Variants in ZBTB38 observed in about 807,000 individuals in gnomAD.
The protein encoded by ZBTB38 is zinc finger and BTB domain containing 38.
Under a neutral mutation model 76.8 loss-of-function variants are expected in ZBTB38, and 20 were observed. The ratio of observed to expected loss-of-function variants is 0.26; its 90% confidence interval spans 0.18 to 0.38. The LOEUF (loss-of-function observed/expected upper bound fraction) is 0.38. ZBTB38 is among the 10% of genes least tolerant of loss of function. The probability of loss-of-function intolerance (pLI) is 1.00; values close to 1 mark genes in which losing one functional copy is unlikely to be tolerated. For missense variants in ZBTB38, 1,082 were observed against 1,482.3 expected (o/e 0.73, Z 4.43); for synonymous variants, 504 against 544.2 (o/e 0.93, Z 1.03).
At chr3:141,345,423 A>G (rs1246303951) in intron 1 of ZBTB38, among the ~76,000 whole-genome samples, 2 of 152,134 alleles carry the variant, frequency 1.3e-5, no homozygotes, top group African/African-American at 2.4e-5. Context: ...GCTCTGGCCC[A>G]TGGTGGTGTA....
intron 5 of ZBTB38, among the ~76,000 whole-genome samples, chr3:141,417,057 G>A (rs79778039): frequency 6.6e-6 from 1 of 152,208 alleles, no homozygotes; most frequent in Non-Finnish European, 1.5e-5. Flanking sequence ...AAGGGAGCTT[G>A]TTAGAAATGA....
chr3:141,383,312 C>T (rs1365557438), intron 3 of ZBTB38, among the ~76,000 whole-genome samples: 1 of 152,094 alleles, frequency 6.6e-6, no homozygotes, highest in African/African-American at 2.4e-5. Context: ...TAATAACCAA[C>T]CTCATTAAAA....
chr3:141,344,702 T>A (rs1490386239), intron 1 of ZBTB38, among the ~76,000 whole-genome samples: 1 of 152,196 alleles, frequency 6.6e-6, no homozygotes, highest in Non-Finnish European at 1.5e-5. Context: ...GCATTGTGCA[T>A]TTCTCTGACC....
Position 141,413,125 on chromosome 3 carries a change from G to T in ZBTB38, c.-1+9094G>T, listed in dbSNP as rs577813877. Among the ~76,000 whole-genome samples the T allele has an allele frequency of 1.3e-5, 2 of 152,346 alleles. No individual in the cohort carries two copies. Among genetic ancestry groups the T allele is most frequent in the Admixed American group, 6.5e-5 (1 of 15,300 alleles). On this transcript the variant is annotated intron_variant, in intron 5 of 5. Coordinates refer to ENST00000321464, the MANE Select transcript of ZBTB38 (RefSeq NM_001376113.1). This position sits in a 1 kb window ranked among gnomAD's most constrained non-coding sequence, Gnocchi z 4.1. ...GGGAAGAAGAAAATGTTTGTGCAGG[G>T]AAAGTGTGTACGTGGACTTAAATAA...
chr3:141,329,404 C>T (rs1434775940), intron 1 of ZBTB38, among the ~76,000 whole-genome samples: 3 of 152,172 alleles, frequency 2.0e-5, no homozygotes, highest in Admixed American at 6.5e-5. Flanking sequence ...TTATTTCCCT[C>T]GGAGCGGCAC....
intron 1 of ZBTB38, among the ~76,000 whole-genome samples, chr3:141,348,742 C>A (rs6781636): frequency 0.44 from 66,547 of 152,058 alleles, 16,306 homozygotes; most frequent in African/African-American, 0.66. Flanking sequence ...GTATCTGATT[C>A]AAGATGGCAG....
intron 2 of ZBTB38, among the ~76,000 whole-genome samples, chr3:141,370,927 A>C (rs1255110020): frequency 6.6e-6 from 1 of 152,088 alleles, no homozygotes; most frequent in Non-Finnish European, 1.5e-5. Context: ...GAGGCTTTGG[A>C]AATGTATCCT....
At chr3:141,395,792 A>G (rs1950221677) in intron 4 of ZBTB38, among the ~76,000 whole-genome samples, 1 of 152,230 alleles carries the variant, frequency 6.6e-6, no homozygotes, top group South Asian at 2.1e-4. Context: ...CGAATGTTGC[A>G]ATAAAGCAAG....
chr3:141,401,665 G>A (rs1366516498), intron 4 of ZBTB38, among the ~76,000 whole-genome samples: 2 of 150,996 alleles, frequency 1.3e-5, no homozygotes, highest in Admixed American at 1.3e-4. Context: ...CAAAACACAG[G>A]GAACATGGAC....
intron 5 of ZBTB38, among the ~76,000 whole-genome samples, chr3:141,407,803 G>A (rs1955120295): frequency 6.6e-6 from 1 of 152,212 alleles, no homozygotes; most frequent in South Asian, 2.1e-4. Flanking sequence ...TTCAACTCCT[G>A]TTTCTACTAG....
intron 5 of ZBTB38, among the ~76,000 whole-genome samples, chr3:141,430,418 C>T (rs2077241526): frequency 6.6e-6 from 1 of 152,208 alleles, no homozygotes; most frequent in Non-Finnish European, 1.5e-5. Context: ...GGATAAGCCG[C>T]ATGAGCAGTT....
chr3:141,409,620 A>T (rs1188072281), intron 5 of ZBTB38, among the ~76,000 whole-genome samples: 1 of 152,150 alleles, frequency 6.6e-6, no homozygotes, highest in Admixed American at 6.5e-5. Context: ...GGAGATCAGG[A>T]CCCCACCCTC....
At chr3:141,335,264 A>C (rs2148891450) in intron 1 of ZBTB38, among the ~76,000 whole-genome samples, 1 of 152,356 alleles carries the variant, frequency 6.6e-6, no homozygotes, top group Non-Finnish European at 1.5e-5. Context: ...TAAATGACTT[A>C]ATATTTGTAG....
chr3:141,425,493 G>A (rs1056593579), intron 5 of ZBTB38, among the ~76,000 whole-genome samples: 7 of 152,216 alleles, frequency 4.6e-5, no homozygotes, highest in Non-Finnish European at 1.0e-4. Flanking sequence ...CCACCTGGTG[G>A]TCCCATATAG....
intron 2 of ZBTB38, among the ~76,000 whole-genome samples, chr3:141,372,392 T>C (rs1944751375): frequency 6.6e-6 from 1 of 152,194 alleles, no homozygotes; most frequent in South Asian, 2.1e-4. Flanking sequence ...CTCATGCCTA[T>C]AATCCCTGCA....
chr3:141,343,151 G>A (rs7653555), intron 1 of ZBTB38, among the ~76,000 whole-genome samples: 4,865 of 152,238 alleles, frequency 0.032, 235 homozygotes, highest in African/African-American at 0.094. Flanking sequence ...GTGGCTTGCT[G>A]GATCGGAGGA....
chr3:141,354,720 A>T (rs1365105239), intron 1 of ZBTB38, among the ~76,000 whole-genome samples: 1 of 152,154 alleles, frequency 6.6e-6, no homozygotes, highest in Non-Finnish European at 1.5e-5. Flanking sequence ...TGTCTCTCAG[A>T]ATACTTAACA....
intron 1 of ZBTB38, among the ~76,000 whole-genome samples, chr3:141,354,563 T>G (rs1269288568): frequency 6.6e-6 from 1 of 152,144 alleles, no homozygotes; most frequent in Non-Finnish European, 1.5e-5. Flanking sequence ...GGAGCCTTCC[T>G]GACTGGTCCA....
chr3:141,411,436 C>T (rs933545696), intron 5 of ZBTB38, among the ~76,000 whole-genome samples: 3 of 152,182 alleles, frequency 2.0e-5, no homozygotes, highest in Non-Finnish European at 2.9e-5. Context: ...GATGCTCTTT[C>T]GTGGAAGAGA....
Sources: gnomAD v4.1 joint callset for allele counts (sites outside exome capture counted in the v4.1 genomes callset) on GRCh38, gnomAD v4.1.1 for gene constraint, Gnocchi (gnomAD v3.1) non-coding constraint, MANE v1.5 for transcripts, NCBI Gene and HGNC (gene_info 2026-07-23, HGNC 2026-07-21) for gene names.